The following BRINP2 variants were observed in gnomAD, a reference collection of about 807,000 sequenced individuals.
The protein encoded by BRINP2 is BMP/retinoic acid inducible neural specific 2.
A neutral mutation model predicts 69.2 loss-of-function variants in BRINP2; 21 were observed. That is an observed-to-expected ratio of 0.30 (90% CI 0.22 to 0.44). The LOEUF (loss-of-function observed/expected upper bound fraction) is 0.44. Ranked by LOEUF, BRINP2 falls within the 20% of genes least tolerant of loss-of-function variation. The pLI, the probability that BRINP2 is intolerant of heterozygous loss-of-function variation, is 1.00. For synonymous variants in BRINP2, 380 were observed against 394.1 expected, an observed-to-expected ratio of 0.96 and a Z score of 0.42; for missense variants, 877 against 986.0, an observed-to-expected ratio of 0.89 and a Z score of 1.48.
At chr1:177,194,434 C>T (rs1053784424) in intron 1 of BRINP2, among the ~76,000 whole-genome samples, 24 of 152,122 alleles carry the variant, frequency 1.6e-4, no homozygotes, top group African/African-American at 5.6e-4. Flanking sequence ...TGGGTCCAGA[C>T]GAGGACACTG....
At chr1:177,184,133 C>A (rs1486945530) in intron 1 of BRINP2, among the ~76,000 whole-genome samples, 1 of 152,010 alleles carries the variant, frequency 6.6e-6, no homozygotes, top group East Asian at 1.9e-4. Context: ...TCTTTCAAGG[C>A]AAGATTTAAT....
chr1:177,174,244 A>G (rs1648023077), intron 1 of BRINP2, among the ~76,000 whole-genome samples: 1 of 152,050 alleles, frequency 6.6e-6, no homozygotes, highest in African/African-American at 2.4e-5. Context: ...CCAACCCCAG[A>G]CTCCATGGGC....
intron 1 of BRINP2, among the ~76,000 whole-genome samples, chr1:177,172,117 G>C (rs528633224): frequency 6.6e-6 from 1 of 152,342 alleles, no homozygotes; most frequent in East Asian, 1.9e-4. Context: ...GCTGACGCTG[G>C]GAGGTTCATT....
chr1:177,238,017 G>A (rs1168492651), intron 2 of BRINP2, among the ~76,000 whole-genome samples: 1 of 152,180 alleles, frequency 6.6e-6, no homozygotes, highest in Non-Finnish European at 1.5e-5. Flanking sequence ...AGTATATGGA[G>A]CTTAGAACAG....
At chr1:177,259,789 A>G (rs1446022063) in intron 4 of BRINP2, among the ~76,000 whole-genome samples, 1 of 152,174 alleles carries the variant, frequency 6.6e-6, no homozygotes, top group Non-Finnish European at 1.5e-5. Context: ...TCTTAAGCCC[A>G]TTGTTGAGAC....
At chr1:177,186,128 G>A (rs1413340072) in intron 1 of BRINP2, among the ~76,000 whole-genome samples, 1 of 152,114 alleles carries the variant, frequency 6.6e-6, no homozygotes, top group African/African-American at 2.4e-5. Context: ...TGAAGATCTG[G>A]CCATCCCGCT....
chr1:177,176,471 A>C (rs1174507196), intron 1 of BRINP2, among the ~76,000 whole-genome samples: 1 of 151,076 alleles, frequency 6.6e-6, no homozygotes, highest in South Asian at 2.1e-4. Context: ...TTTATTTTTT[A>C]ATGTGGCTAC....
At chr1:177,254,382 A>C (rs1002917913) in intron 2 of BRINP2, among the ~76,000 whole-genome samples, 1 of 111,248 alleles carries the variant, frequency 9.0e-6, no homozygotes, top group Admixed American at 8.8e-5. Context: ...ACACATGCAC[A>C]CACACACACA....
At chr1:177,204,890 T>C (rs1649027206) in intron 1 of BRINP2, among the ~76,000 whole-genome samples, 1 of 152,182 alleles carries the variant, frequency 6.6e-6, no homozygotes, top group South Asian at 2.1e-4. Context: ...TTTTATAACC[T>C]GAATTTTTCA....
chr1:177,195,178 T>C (rs1325552751), intron 1 of BRINP2, among the ~76,000 whole-genome samples: 2 of 152,178 alleles, frequency 1.3e-5, no homozygotes, highest in Non-Finnish European at 2.9e-5. Context: ...TATCTAAATA[T>C]AAATTATTCT....
Position 177,171,243 on chromosome 1 carries a change from G to A in BRINP2, c.-566G>A, listed in dbSNP as rs913893829. 2.0e-5 allele frequency among the ~76,000 whole-genome samples: 3 copies of A among 152,208 alleles called. No individual in the cohort carries two copies. Among genetic ancestry groups the A allele is most frequent in the Non-Finnish European group, 4.4e-5 (3 of 68,042 alleles). ...GTGATTTCGGGTGAGAGAGCGGGTG[G>A]GTGAGTCTCTTTAGAGTTGGAAAGA... On this transcript the variant is annotated 5_prime_UTR_variant, in exon 1 of 8. Transcript: ENST00000361539.
chr1:177,260,824 A>G (rs892304748), intron 4 of BRINP2, among the ~76,000 whole-genome samples: 2 of 152,214 alleles, frequency 1.3e-5, no homozygotes, highest in African/African-American at 4.8e-5. Flanking sequence ...CATAACTTTC[A>G]TATGGCACTA....
chr1:177,272,154 T>C (rs1329445279), intron 4 of BRINP2, among the ~76,000 whole-genome samples: 1 of 152,220 alleles, frequency 6.6e-6, no homozygotes, highest in Non-Finnish European at 1.5e-5. Flanking sequence ...CACTCCCTAC[T>C]TCTCCTTAGG....
In BRINP2 at chr1:177,182,144, C is replaced by T. The variant is rs1648277244; in HGVS notation, c.-77+10412C>T. On this transcript the variant is annotated intron_variant, in intron 1 of 7. Transcript: ENST00000361539. ...GCCCCACCCCTCCCATCCTCCCTGCCCCACCCCTCCCATCCTCCCTTAGCT... is the reference window on the plus strand; with the variant it reads ...GCCCCACCCCTCCCATCCTCCCTGCTCCACCCCTCCCATCCTCCCTTAGCT... 3.5e-5 allele frequency among the ~76,000 whole-genome samples: 5 copies of T among 142,726 alleles called. No homozygotes were observed. In the South Asian group the frequency reaches 1.2e-3, roughly 33 times the overall value. 93.6% of individuals were successfully genotyped at this position (142,726 alleles called of 152,430 possible).
intron 4 of BRINP2, among the ~76,000 whole-genome samples, chr1:177,263,480 C>T (rs1651023325): frequency 6.6e-6 from 1 of 152,134 alleles, no homozygotes; most frequent in Non-Finnish European, 1.5e-5. Flanking sequence ...CTTCCATGCC[C>T]AGGAGCATGA....
At chr1:177,266,777 A>AG (rs971497908) in intron 4 of BRINP2, among the ~76,000 whole-genome samples, 5 of 151,400 alleles carry the variant, frequency 3.3e-5, no homozygotes, top group East Asian at 3.9e-4. Flanking sequence ...AAAAAAAAAA[A>AG]AAAGAAAGAA....
At chr1:177,172,885 CCAAT>C (rs1164726051) in intron 1 of BRINP2, among the ~76,000 whole-genome samples, 1 of 152,144 alleles carries the variant, frequency 6.6e-6, no homozygotes, top group Non-Finnish European at 1.5e-5. Context: ...TCAGCATAGA[CCAAT>C]CAGAGGGATA....
intron 1 of BRINP2, among the ~76,000 whole-genome samples, chr1:177,214,212 A>G (rs1197841708): frequency 1.3e-5 from 2 of 152,176 alleles, no homozygotes; most frequent in Non-Finnish European, 2.9e-5. Flanking sequence ...TGGGTGGATC[A>G]TCTGAGGTTA....
intron 2 of BRINP2, among the ~76,000 whole-genome samples, chr1:177,250,457 G>A (rs764058679): frequency 6.6e-6 from 1 of 152,168 alleles, no homozygotes; most frequent in Non-Finnish European, 1.5e-5. Flanking sequence ...CTTCTGAGTA[G>A]CTGGGATTAC....
Sources: allele counts gnomAD v4.1 joint callset (sites outside exome capture counted in the v4.1 genomes callset), GRCh38; gene constraint gnomAD v4.1.1; transcripts MANE v1.5; gene names NCBI Gene and HGNC (gene_info 2026-07-23, HGNC 2026-07-21).